Variants in RAB10 observed in about 807,000 individuals in gnomAD.
RAB10 encodes RAB10, member RAS oncogene family.
Under a neutral mutation model 25.7 loss-of-function variants are expected in RAB10, and 5 were observed. The ratio of observed to expected loss-of-function variants is 0.19; its 90% CI spans 0.10 to 0.41. The LOEUF (loss-of-function observed/expected upper bound fraction) is 0.41, where lower values mean the gene tolerates loss of function less well. Among genes scored for constraint, RAB10 ranks in the 10% least tolerant of loss-of-function variants. The pLI, the probability that RAB10 is intolerant of heterozygous loss-of-function variation, is 1.00. For missense variants in RAB10, 103 were observed against 245.8 expected (o/e 0.42, Z 3.89); for synonymous variants, 89 against 86.4 (o/e 1.03, Z -0.16).
rs556202593 is a variant in RAB10, at chr2:26,105,761, G to A, written c.189-4007G>A. On this transcript the variant is annotated intron_variant, in intron 2 of 5. Coordinates refer to ENST00000264710, the MANE Select transcript of RAB10 (RefSeq NM_016131.5). The stretch of plus-strand genomic sequence containing the variant: ...GTCAGTGACTACATACACAATGGTT[G>A]TCTTATCAATATTGTAATACCACAT... Among the ~76,000 whole-genome samples, 11 of 152,302 alleles carry A rather than the reference G, an allele frequency of 7.2e-5. No homozygotes were observed. In the South Asian group the frequency reaches 2.1e-3, roughly 29 times the overall value.
At chr2:26,075,213 T>C (rs1210891745) in intron 1 of RAB10, among the ~76,000 whole-genome samples, 2 of 152,188 alleles carry the variant, frequency 1.3e-5, no homozygotes, top group Non-Finnish European at 2.9e-5. Context: ...TTGTGTTCAA[T>C]TTTTCCTAGT....
At position 26,127,934 on chromosome 2, in the gene RAB10, G is replaced by A; in HGVS notation, c.502G>A (p.Glu168Lys). 6.2e-7 allele frequency: 1 copy of A among 1,602,422 alleles called. No individual in the cohort carries two copies. The highest frequency in any genetic ancestry group is 1.7e-5 in the Admixed American group (1 of 60,002). Residue 168 changes from glutamate to lysine, a missense_variant, in exon 5 of 6, where the codon GAA (glutamate) becomes AAA (lysine). Physicochemically the swap from Glu to Lys is moderately conservative, Grantham distance 56. This residue lies in a region of RAB10 where 79 missense variants were observed against 217.8 expected (regional missense o/e 0.36). Transcript: ENST00000264710. ...NIEKAFLTLA[E>K]DILRKTPVKE... ...CGAAAAGGCGTTCCTCACGTTAGCT[G>A]AAGATATCCTTCGAAAGGTAAGTTC... is the stretch of plus-strand genomic sequence containing the variant.
intron 1 of RAB10, among the ~76,000 whole-genome samples, chr2:26,065,547 T>A (rs1666496802): frequency 6.6e-6 from 1 of 152,200 alleles, no homozygotes; most frequent in Admixed American, 6.5e-5. Context: ...ATTGAATATT[T>A]CCAACTGATT....
chr2:26,051,612 G>C (rs780938205), intron 1 of RAB10, among the ~76,000 whole-genome samples: 1 of 151,248 alleles, frequency 6.6e-6, no homozygotes, highest in Non-Finnish European at 1.5e-5. Context: ...AAAAAAGCCG[G>C]ACGTGGTGGT....
At chr2:26,118,908 A>G (rs553889600) in intron 3 of RAB10, among the ~76,000 whole-genome samples, 96 of 152,328 alleles carry the variant, frequency 6.3e-4, no homozygotes, top group Middle Eastern at 3.4e-3. Context: ...GCAACTACCA[A>G]TCTTTCTTTG....
chr2:26,106,597 A>G (rs937318918), intron 2 of RAB10, among the ~76,000 whole-genome samples: 1 of 152,218 alleles, frequency 6.6e-6, no homozygotes, highest in South Asian at 2.1e-4. Context: ...TAATAAAACC[A>G]TAAGGTGGCC....
At chr2:26,035,151 A>G (rs1213166417) in intron 1 of RAB10, among the ~76,000 whole-genome samples, 2 of 152,214 alleles carry the variant, frequency 1.3e-5, no homozygotes. Context: ...GGGCAAAGAA[A>G]AGATTCCATA....
chr2:26,034,148 C>G lies in RAB10; in HGVS notation c.-461C>G. 2.5e-6 allele frequency: 1 copy of G among 406,718 alleles called. No homozygotes were observed. The highest frequency in any genetic ancestry group is 4.3e-6 in the Non-Finnish European group (1 of 230,036). 25.2% of individuals were successfully genotyped at this position (406,718 alleles called of 1,614,324 possible). A position where few individuals can be genotyped will look rare whatever the true frequency, so the allele number is the denominator to read the frequency against. On this transcript the variant is annotated 5_prime_UTR_variant, in exon 1 of 6. Transcript: ENST00000264710. ...GAAAAGGTGGCTCTGGCCGGGGTGG[C>G]TCGGTTTCCTGGGGCTATGTAACTG...
At chr2:26,062,027 G>A (rs1395662075) in intron 1 of RAB10, among the ~76,000 whole-genome samples, 1 of 152,136 alleles carries the variant, frequency 6.6e-6, no homozygotes, top group Non-Finnish European at 1.5e-5. Flanking sequence ...GGGAAAAGGG[G>A]TGGAGTTGGG....
At chr2:26,104,532 G>T (rs1030741890) in intron 2 of RAB10, among the ~76,000 whole-genome samples, 1 of 152,088 alleles carries the variant, frequency 6.6e-6, no homozygotes, top group Non-Finnish European at 1.5e-5. Context: ...TCTGTGGGTT[G>T]TCTTTTCACC....
At chr2:26,049,818 T>A (rs1232968861) in intron 1 of RAB10, among the ~76,000 whole-genome samples, 1 of 152,240 alleles carries the variant, frequency 6.6e-6, no homozygotes, top group African/African-American at 2.4e-5. Context: ...TTAAGTAGCC[T>A]ACTATATTTC....
chr2:26,128,405 G>C (rs17040322), intron 5 of RAB10, among the ~76,000 whole-genome samples: 116,567 of 152,006 alleles, frequency 0.77, 44,760 homozygotes, highest in East Asian at 0.87. Context: ...TTGGGGACTT[G>C]TGCTATAAGG....
intron 3 of RAB10, among the ~76,000 whole-genome samples, chr2:26,124,405 T>TTTTTTTTTTTTTTTTTTTTTTTTC (rs1667866338): frequency 1.8e-5 from 2 of 110,134 alleles, no homozygotes; most frequent in African/African-American, 6.9e-5. Flanking sequence ...TTTTTTTTTT[T>TTTTTTTTTTTTTTTTTTTTTTTTC]TTTTTTTTTT....
At chr2:26,041,644 G>A (rs1665889427) in intron 1 of RAB10, among the ~76,000 whole-genome samples, 1 of 151,220 alleles carries the variant, frequency 6.6e-6, no homozygotes, top group Non-Finnish European at 1.5e-5. Context: ...GGTGGCTCAC[G>A]CCTGTAATCC....
intron 2 of RAB10, among the ~76,000 whole-genome samples, chr2:26,106,722 C>T (rs976645196): frequency 2.0e-5 from 3 of 151,156 alleles, no homozygotes; most frequent in Non-Finnish European, 4.4e-5. Context: ...CCCGTCTCTA[C>T]TAGAAATACA....
chr2:26,130,093 G>A (rs966154241), intron 5 of RAB10, among the ~76,000 whole-genome samples: 1 of 152,130 alleles, frequency 6.6e-6, no homozygotes, highest in Non-Finnish European at 1.5e-5. Context: ...TTCATTTACC[G>A]ACTATAGGCA....
At chr2:26,077,256 T>C (rs1204692649) in intron 1 of RAB10, among the ~76,000 whole-genome samples, 1 of 152,244 alleles carries the variant, frequency 6.6e-6, no homozygotes. Flanking sequence ...AATATAGATA[T>C]TAAAGGAAAT....
rs532812922 is a variant in RAB10 at position 26,041,208 on chromosome 2, T to C, written c.127+6473T>C. On this transcript the variant is annotated intron_variant, in intron 1 of 5. Coordinates refer to ENST00000264710, the MANE Select transcript of RAB10 (RefSeq NM_016131.5). ...TAAAATTTTTCCTTTTTACCTACTT[T>C]CTGATCATTATATGAAGTAGATTGG... is the stretch of plus-strand genomic sequence containing the variant. Among the ~76,000 whole-genome samples, 12 of 152,236 alleles carry C rather than the reference T, an allele frequency of 7.9e-5. No individual in the cohort carries two copies. The East Asian group carries it at 1.9e-3, about 24-fold the overall frequency.
intron 5 of RAB10, among the ~76,000 whole-genome samples, chr2:26,131,950 G>A (rs2149290894): frequency 6.6e-6 from 1 of 152,320 alleles, no homozygotes; most frequent in South Asian, 2.1e-4. Context: ...CACATTAACT[G>A]TGTGTGTAGT....
Sources: gnomAD v4.1 joint callset for allele counts (sites outside exome capture counted in the v4.1 genomes callset) on GRCh38, gnomAD v4.1.1 for gene constraint, gnomAD v4.1.1 regional missense constraint, MANE v1.5 for transcripts, NCBI Gene and HGNC (gene_info 2026-07-23, HGNC 2026-07-21) for gene names.